The following IQSEC1 variants were observed in gnomAD, a reference collection of about 807,000 sequenced individuals.
IQSEC1 encodes the protein IQ motif and Sec7 domain ArfGEF 1.
IQSEC1 carries 31 observed loss-of-function variants against 91.0 expected under a neutral mutation model. The observed-to-expected ratio is 0.34, with a 90% confidence interval of 0.26 to 0.46. The LOEUF is 0.46. IQSEC1 is among the 20% of genes least tolerant of loss of function. The pLI is 1.00. For missense variants in IQSEC1, 1,388 were observed against 1,575.6 expected (o/e 0.88, Z 2.02); for synonymous variants, 699 against 662.6 (o/e 1.05, Z -0.84).
chr3:13,138,047 GA>G (rs1435047818), intron 2 of IQSEC1, among the ~76,000 whole-genome samples: 1 of 152,134 alleles, frequency 6.6e-6, no homozygotes, highest in African/African-American at 2.4e-5. Context: ...GCAGAGACCT[GA>G]ACCCAGATGA....
chr3:13,253,238 TG>T (rs1434063383), intron 1 of IQSEC1, among the ~76,000 whole-genome samples: 2 of 152,234 alleles, frequency 1.3e-5, no homozygotes, highest in African/African-American at 4.8e-5. Context: ...AACATTTCAC[TG>T]AGGCAGAGAG....
Position 12,901,454 on chromosome 3 carries a change from T to C in IQSEC1, c.2874A>G (p.Pro958=). Residue 958 remains proline (P), a synonymous_variant, in exon 14 of 14, where the codon CCA becomes CCG. Coordinates refer to ENST00000613206, the MANE Select transcript of IQSEC1 (RefSeq NM_001134382.3). ...ATSTRECPSR[P]HQTMPNSSSL... ...AAGATGAGTTGGGCATAGTCTGGTG[T>C]GGGCGAGATGGACACTCTCGTGTTG... The C allele has an allele frequency of 6.5e-7, 1 of 1,549,204 alleles. No homozygotes were observed. Among genetic ancestry groups the C allele is most frequent in the Middle Eastern group, 1.7e-4 (1 of 5,992 alleles).
intron 1 of IQSEC1, among the ~76,000 whole-genome samples, chr3:13,250,098 G>C (rs1695168801): frequency 1.3e-5 from 2 of 152,234 alleles, no homozygotes; most frequent in South Asian, 2.1e-4. Flanking sequence ...TCCATGAGCA[G>C]GACACAGTTA....
At chr3:13,055,115 C>A (rs571016059) in intron 1 of IQSEC1, among the ~76,000 whole-genome samples, 3 of 152,254 alleles carry the variant, frequency 2.0e-5, no homozygotes, top group Non-Finnish European at 4.4e-5. Context: ...GGGGCCCCAC[C>A]ACTGGGCACA....
At chr3:12,964,327 T>C (rs112783035) in intron 1 of IQSEC1, among the ~76,000 whole-genome samples, 1,180 of 86,698 alleles carry the variant, frequency 0.014, 17 homozygotes, top group African/African-American at 0.042. Flanking sequence ...CACACACACA[T>C]GCTTCCATGG....
At chr3:13,151,834 C>T (rs905479772) in intron 2 of IQSEC1, among the ~76,000 whole-genome samples, 3 of 152,054 alleles carry the variant, frequency 2.0e-5, no homozygotes, top group Non-Finnish European at 4.4e-5. Flanking sequence ...GGTATGGTGG[C>T]AGGTGCCTGT....
intron 1 of IQSEC1, among the ~76,000 whole-genome samples, chr3:13,191,708 G>T (rs1322664313): frequency 1.3e-5 from 2 of 152,048 alleles, no homozygotes. Context: ...CATGTCCTGG[G>T]TTGTCTTTTG....
At chr3:12,903,655 GGCCCCGCCCA>G (rs1694632317) in intron 12 of IQSEC1, among the ~76,000 whole-genome samples, 1 of 152,160 alleles carries the variant, frequency 6.6e-6, no homozygotes, top group Non-Finnish European at 1.5e-5. Flanking sequence ...GGCCCGGCCT[GGCCCCGCCCA>G]GCCTCCACAG....
chr3:13,271,997 T>G (rs1278570209), intron 1 of IQSEC1, among the ~76,000 whole-genome samples: 1 of 152,140 alleles, frequency 6.6e-6, no homozygotes, highest in African/African-American at 2.4e-5. Context: ...TCTTCTTAAG[T>G]GTACACGGAA....
chr3:12,999,838 T>C (rs1702353665), intron 1 of IQSEC1, among the ~76,000 whole-genome samples: 1 of 152,220 alleles, frequency 6.6e-6, no homozygotes, highest in South Asian at 2.1e-4. Context: ...CCCTTCTAGC[T>C]CTTCACTCTG....
In IQSEC1 at chr3:12,993,034, T is replaced by A. The variant is rs867610452; in HGVS notation, c.24-51169A>T. On this transcript the variant is annotated intron_variant, in intron 1 of 13. Coordinates refer to ENST00000613206, the MANE Select transcript of IQSEC1 (RefSeq NM_001134382.3). ...AAGACCCTGGCCCAGGAGTGTCTCATCCTCAGGCTGGCAGGTGGGACAGGT... is the reference window on the plus strand; with the variant it reads ...AAGACCCTGGCCCAGGAGTGTCTCAACCTCAGGCTGGCAGGTGGGACAGGT... Among the ~76,000 whole-genome samples, 15 of 152,122 alleles carry A rather than the reference T, an allele frequency of 9.9e-5. 1 individual carries two copies. The highest frequency in any genetic ancestry group is 5.9e-5 in the Non-Finnish European group (4 of 67,992).
At chr3:13,192,965 T>A (rs1694062887) in intron 1 of IQSEC1, among the ~76,000 whole-genome samples, 1 of 152,212 alleles carries the variant, frequency 6.6e-6, no homozygotes, top group Non-Finnish European at 1.5e-5. Flanking sequence ...CACGCTGGCA[T>A]CCAGGACCTC....
chr3:13,252,205 C>G (rs549541192), intron 1 of IQSEC1, among the ~76,000 whole-genome samples: 12 of 152,234 alleles, frequency 7.9e-5, no homozygotes, highest in African/African-American at 2.9e-4. Context: ...CACCAATCCC[C>G]CTCCCCTCAG....
At chr3:13,101,419 C>CAAAAAAAAAAAAAA (rs5846799) in intron 2 of IQSEC1, among the ~76,000 whole-genome samples, 5 of 119,476 alleles carry the variant, frequency 4.2e-5, no homozygotes, top group Admixed American at 8.3e-5. Context: ...ATTCCATCTC[C>CAAAAAAAAAAAAAA]AAAAAAAAAA....
At chr3:13,011,080 C>A (rs985608745) in intron 1 of IQSEC1, among the ~76,000 whole-genome samples, 6 of 150,360 alleles carry the variant, frequency 4.0e-5, no homozygotes, top group African/African-American at 1.2e-4. Context: ...TTTTTTTTTT[C>A]TTTTTCCTCT....
intron 1 of IQSEC1, among the ~76,000 whole-genome samples, chr3:13,227,371 G>A (rs1236690999): frequency 9.9e-5 from 4 of 40,412 alleles, no homozygotes; most frequent in African/African-American, 9.5e-4. Context: ...GCGGGACTCT[G>A]TCTCAAAAAA....
chr3:13,019,017 G>A (rs1032880252), intron 1 of IQSEC1, among the ~76,000 whole-genome samples: 1 of 152,210 alleles, frequency 6.6e-6, no homozygotes, highest in Non-Finnish European at 1.5e-5. Context: ...TGGATGCCAA[G>A]CCAACAGAAC....
rs893186996 is a variant in IQSEC1 at position 12,897,922 on chromosome 3, A to T, written c.*3061T>A. ...TTATTTTTACATTGTTGTACAATTC[A>T]TTGGTAAACTTAAAAAAATACAAAT... On this transcript the variant is annotated 3_prime_UTR_variant, in exon 14 of 14. Coordinates refer to ENST00000613206, the MANE Select transcript of IQSEC1 (RefSeq NM_001134382.3). 7 of 152,250 alleles carry T rather than the reference A, an allele frequency of 4.6e-5. No individual in the cohort carries two copies. The highest frequency in any genetic ancestry group is 1.7e-4 in the African/African-American group (7 of 41,454). The allele number at this position is 152,250 out of a possible 1,614,324, so 9.4% of individuals were successfully genotyped here. A position where few individuals can be genotyped will look rare whatever the true frequency, so the allele number is the denominator to read the frequency against.
chr3:12,958,157 C>A lies in IQSEC1; in HGVS notation c.24-16292G>T, dbSNP rs73813742. Among the ~76,000 whole-genome samples the A allele has an allele frequency of 5.1e-3, 781 of 152,350 alleles. 6 individuals are homozygous for A. The highest frequency in any genetic ancestry group is 0.018 in the African/African-American group (733 of 41,584). Reference sequence around the variant, plus strand: ...CGAGCTCCCCCTGCCCTTGCAGGACCTGGTGCAGGTGCTGCCCAGACCTGC... The same window carrying A: ...CGAGCTCCCCCTGCCCTTGCAGGACATGGTGCAGGTGCTGCCCAGACCTGC... On this transcript the variant is annotated intron_variant, in intron 1 of 13. Coordinates refer to ENST00000613206, the MANE Select transcript of IQSEC1 (RefSeq NM_001134382.3).
Sources: allele counts gnomAD v4.1 joint callset (sites outside exome capture counted in the v4.1 genomes callset), GRCh38; gene constraint gnomAD v4.1.1; transcripts MANE v1.5; gene names NCBI Gene and HGNC (gene_info 2026-07-23, HGNC 2026-07-21).